The following HYDIN variants were observed in gnomAD, a reference collection of about 807,000 sequenced individuals.
HYDIN encodes the protein HYDIN axonemal central pair apparatus protein.
A neutral mutation model predicts 403.9 loss-of-function variants in HYDIN; 132 were observed. That is an observed-to-expected ratio of 0.33 (90% CI 0.28 to 0.38). The LOEUF is 0.38. Ranked by LOEUF, HYDIN falls within the 10% of genes least tolerant of loss-of-function variation. The pLI, the probability that HYDIN is intolerant of heterozygous loss-of-function variation, is 1.00. For missense variants in HYDIN, 2,827 were observed against 5,009.5 expected (o/e 0.56, Z 13.15); for synonymous variants, 1,202 against 1,891.7 (o/e 0.64, Z 9.46).
chr16:70,934,046 C>T (rs1273538903), intron 45 of HYDIN, among the ~76,000 whole-genome samples: 3 of 152,052 alleles, frequency 2.0e-5, no homozygotes, highest in Non-Finnish European at 4.4e-5. Flanking sequence ...CCAGAAAGGG[C>T]GGACCAGGAT....
At chr16:70,842,536 G>A (rs937890151) in intron 75 of HYDIN, among the ~76,000 whole-genome samples, 1 of 151,978 alleles carries the variant, frequency 6.6e-6, no homozygotes, top group African/African-American at 2.4e-5. Context: ...ATTAGCATAG[G>A]TACCCTAGCT....
chr16:71,129,612 T>A, intron 9 of HYDIN, 28 bp downstream of exon 9: 2 of 1,561,722 alleles, frequency 1.3e-6, no homozygotes, highest in African/African-American at 2.7e-5. Flanking sequence ...ACATTTCCTG[T>A]ATGGTCAGCT....
chr16:71,050,049 T>G (rs1431786797), intron 18 of HYDIN, among the ~76,000 whole-genome samples: 1 of 149,288 alleles, frequency 6.7e-6, no homozygotes, highest in Non-Finnish European at 1.5e-5. Flanking sequence ...TGTGTGGGTG[T>G]GTGTGTGTGT....
chr16:71,203,783 A>G (rs989611088), intron 1 of HYDIN: 1 of 455,934 alleles, frequency 2.2e-6, no homozygotes, highest in Non-Finnish European at 4.4e-6. Flanking sequence ...AGAATGTGTG[A>G]GTCCAGAACA....
At chr16:71,162,856 T>C (rs1442955344) in intron 5 of HYDIN, 126 bp from the exon 6 acceptor site, 1 of 594,646 alleles carries the variant, frequency 1.7e-6, no homozygotes, top group East Asian at 2.8e-5. Flanking sequence ...GAAAACATCT[T>C]AAAACAATTA....
At chr16:71,217,059 C>T (rs2088919571) in intron 1 of HYDIN, among the ~76,000 whole-genome samples, 1 of 152,196 alleles carries the variant, frequency 6.6e-6, no homozygotes, top group South Asian at 2.1e-4. Flanking sequence ...TGGACAGGTT[C>T]CTGTAAGTCT....
rs146963873 is a variant in HYDIN at position 70,911,356 on chromosome 16, T to A, written c.8005-2495A>T. On this transcript the variant is annotated intron_variant, in intron 47 of 85. Transcript: ENST00000393567. The stretch of plus-strand genomic sequence containing the variant: ...GCTAGCCAATTATCCCAGCACTATT[T>A]GTTGAAAAGGATGTCCTTTCCCCAC... Among the ~76,000 whole-genome samples, 969 of 151,826 alleles carry A rather than the reference T, an allele frequency of 6.4e-3. 2 individuals are homozygous for A. Among genetic ancestry groups the A allele is most frequent in the Admixed American group, 0.01 (157 of 15,234 alleles).
intron 18 of HYDIN, among the ~76,000 whole-genome samples, chr16:71,049,875 G>C (rs2144227386): frequency 7.0e-6 from 1 of 142,840 alleles, no homozygotes; most frequent in East Asian, 2.0e-4. Context: ...GCCAAAATCA[G>C]ACAGGATTTG....
At chr16:71,129,541 C>T in intron 9 of HYDIN, 99 bp downstream of exon 9, 4 of 1,205,630 alleles carry the variant, frequency 3.3e-6, no homozygotes, top group Non-Finnish European at 4.6e-6. Flanking sequence ...CACTCTCTTG[C>T]AACTCACCGT....
intron 71 of HYDIN, among the ~76,000 whole-genome samples, chr16:70,859,849 C>A (rs2039292691): frequency 6.6e-6 from 1 of 152,136 alleles, no homozygotes. Context: ...AATATTAGAG[C>A]TCTCTGCTTC....
intron 9 of HYDIN, among the ~76,000 whole-genome samples, chr16:71,126,434 C>A (rs545625338): frequency 1.3e-5 from 2 of 152,160 alleles, no homozygotes; most frequent in African/African-American, 4.8e-5. Flanking sequence ...AGGTCAAGAC[C>A]AGAGACATGG....
At position 70,804,906 on chromosome 16, in the gene HYDIN, G is replaced by A. The variant is rs571419980; in HGVS notation, c.*2674C>T. ...GAACAGGTCTGAAGTTGGGGGAGTT[G>A]CCCCTAGCCACCCCAAGGCTGGCTA... On this transcript the variant is annotated 3_prime_UTR_variant, in exon 86 of 86. Coordinates refer to ENST00000393567, the MANE Select transcript of HYDIN (RefSeq NM_001270974.2). Among the ~76,000 whole-genome samples, 7 of 152,340 alleles carry A rather than the reference G, an allele frequency of 4.6e-5. No individual in the cohort carries two copies. Among genetic ancestry groups the A allele is most frequent in the Non-Finnish European group, 7.3e-5 (5 of 68,032 alleles).
At position 70,922,681 on chromosome 16, in the gene HYDIN, T is replaced by C. The variant is rs570600361; in HGVS notation, c.7159-1464A>G. Among the ~76,000 whole-genome samples the C allele has an allele frequency of 7.1e-4, 107 of 151,168 alleles. No individual in the cohort carries two copies. The East Asian group carries it at 0.014, about 20-fold the overall frequency. On this transcript the variant is annotated intron_variant, in intron 45 of 85. Coordinates refer to ENST00000393567, the MANE Select transcript of HYDIN (RefSeq NM_001270974.2). Reference sequence around the variant, plus strand: ...TTAAAGAAGCAGCCATAAAGGAGAGTAGAAAATATTTAGAATTGAACAATG... The same window carrying C: ...TTAAAGAAGCAGCCATAAAGGAGAGCAGAAAATATTTAGAATTGAACAATG...
chr16:71,035,753 A>T (rs1241009579), intron 18 of HYDIN, among the ~76,000 whole-genome samples: 7 of 152,328 alleles, frequency 4.6e-5, no homozygotes, highest in Non-Finnish European at 7.3e-5. Context: ...AGGTGTGAGG[A>T]TGGGCTTCTG....
chr16:71,166,036 T>C (rs1417832990), intron 5 of HYDIN, among the ~76,000 whole-genome samples: 1 of 148,810 alleles, frequency 6.7e-6, no homozygotes, highest in Non-Finnish European at 1.5e-5. Context: ...CGCTGGCTGC[T>C]ATGTGGGCCA....
intron 13 of HYDIN, among the ~76,000 whole-genome samples, chr16:71,077,989 T>C (rs1248959524): frequency 6.6e-6 from 1 of 150,724 alleles, no homozygotes; most frequent in Admixed American, 6.6e-5. Context: ...TGAATGGATT[T>C]CCTGTTACTA....
intron 70 of HYDIN, 97 bp from the exon 71 acceptor site, chr16:70,860,303 C>G (rs1373117164): frequency 1.4e-6 from 2 of 1,382,556 alleles, no homozygotes; most frequent in Admixed American, 2.2e-5. Context: ...AGTCCCCCAT[C>G]TGGGAAGCAG....
In HYDIN at chr16:70,866,249, A is replaced by G. The variant is rs753810901; in HGVS notation, c.11391T>C (p.Asn3797=). 12 of 1,351,866 alleles carry G rather than the reference A, an allele frequency of 8.9e-6. No individual in the cohort carries two copies. The East Asian group carries it at 2.5e-4, about 28-fold the overall frequency. The allele number at this position is 1,351,866 out of a possible 1,614,324, so 83.7% of individuals were successfully genotyped here. ...GGCAATGGTATGAAGCGAAATCCAC[A>G]TTGGCACTGATTTGAAGCTGCAGTT... is the stretch of plus-strand genomic sequence containing the variant. ...YQELQLQISA[N]VDFASYHCQA... The change falls in exon 67 of 86, where the codon AAT becomes AAC. Residue 3797 remains asparagine (N), a synonymous_variant. Transcript: ENST00000393567.
At chr16:71,106,168 CCTCTCT>C (rs10549453) in intron 10 of HYDIN, among the ~76,000 whole-genome samples, 2 of 144,698 alleles carry the variant, frequency 1.4e-5, no homozygotes, top group African/African-American at 2.6e-5. Flanking sequence ...TCCCTCCCTC[CCTCTCT>C]CTCTCTCTCT....
Sources: allele counts gnomAD v4.1 joint callset (sites outside exome capture counted in the v4.1 genomes callset), GRCh38; gene constraint gnomAD v4.1.1; transcripts MANE v1.5; gene names NCBI Gene and HGNC (gene_info 2026-07-23, HGNC 2026-07-21).